PPARA: variants seen among roughly 807,000 people sequenced by gnomAD.
The protein encoded by PPARA is peroxisome proliferator-activated receptor alpha.
In PPARA, 22 loss-of-function variants were observed where a neutral mutation model predicts 42.2. The observed-to-expected ratio is 0.52, with a 90% CI of 0.37 to 0.74. PPARA has a LOEUF of 0.74. Ranked by LOEUF, PPARA falls within the 30% of genes least tolerant of loss-of-function variation. The pLI is 0.00. For synonymous variants in PPARA, 242 were observed against 239.3 expected, an observed-to-expected ratio of 1.01 and a Z score of -0.10; for missense variants, 465 against 608.2, an observed-to-expected ratio of 0.76 and a Z score of 2.48.
At chr22:46,178,773 TGTGA>T (rs1273155382) in intron 3 of PPARA, among the ~76,000 whole-genome samples, 2 of 152,168 alleles carry the variant, frequency 1.3e-5, no homozygotes, top group East Asian at 3.9e-4. Context: ...AGTGCAGGGA[TGTGA>T]GTGTTTGTTA....
At position 46,240,914 on chromosome 22, in the gene PPARA, A is replaced by G. The variant is rs1275809623; in HGVS notation, c.*5534A>G. 1.3e-5 allele frequency: 2 copies of G among 152,250 alleles called. No individual in the cohort carries two copies. The highest frequency in any genetic ancestry group is 2.9e-5 in the Non-Finnish European group (2 of 68,048). 9.4% of individuals were successfully genotyped at this position (152,250 alleles called of 1,614,324 possible). A position where few individuals can be genotyped will look rare whatever the true frequency, so the allele number is the denominator to read the frequency against. Reference sequence around the variant, plus strand: ...ATTCAAGCCCATCTTCAGACGTCACAGTCTGGAAGTGAAATGTCCACAAAC... The same window carrying G: ...ATTCAAGCCCATCTTCAGACGTCACGGTCTGGAAGTGAAATGTCCACAAAC... On this transcript the variant is annotated 3_prime_UTR_variant, in exon 9 of 9. Transcript: ENST00000407236. This position sits in a 1 kb window ranked among gnomAD's most constrained non-coding sequence, Gnocchi z 6.0.
chr22:46,192,848 C>T lies in PPARA; in HGVS notation c.-42-5494C>T, dbSNP rs1333724899. ...CAACAACATGGGTGGAACTGGAGAT[C>T]ATTATGTTAAGTGAAATAATCCAGG... is the stretch of plus-strand genomic sequence containing the variant. On this transcript the variant is annotated intron_variant, in intron 3 of 8. Transcript: ENST00000407236. This position sits in a 1 kb window ranked among gnomAD's most constrained non-coding sequence, Gnocchi z 4.3. Among the ~76,000 whole-genome samples, 1 of 152,160 alleles carries T rather than the reference C, an allele frequency of 6.6e-6. No individual in the cohort carries two copies. Among genetic ancestry groups the T allele is most frequent in the African/African-American group, 2.4e-5 (1 of 41,438 alleles).
intron 4 of PPARA, among the ~76,000 whole-genome samples, chr22:46,209,441 A>G (rs901378477): frequency 6.6e-6 from 1 of 151,324 alleles, no homozygotes; most frequent in Non-Finnish European, 1.5e-5. Flanking sequence ...GAGAGCTCCA[A>G]TTATACATAC....
chr22:46,207,673 TA>T (rs377419961), intron 4 of PPARA, among the ~76,000 whole-genome samples: 1,581 of 90,912 alleles, frequency 0.017, 48 homozygotes, highest in African/African-American at 0.05. Context: ...TTATTATTAT[TA>T]TTATTTTTTT....
At chr22:46,226,157 A>C (rs1017145055) in intron 7 of PPARA, among the ~76,000 whole-genome samples, 3 of 120,100 alleles carry the variant, frequency 2.5e-5, no homozygotes, top group African/African-American at 1.5e-4. Context: ...AAGCATGCAC[A>C]CATATATATA....
intron 2 of PPARA, among the ~76,000 whole-genome samples, chr22:46,169,578 G>A: frequency 6.6e-6 from 1 of 151,860 alleles, no homozygotes; most frequent in Non-Finnish European, 1.5e-5. Flanking sequence ...GTGGGAGTGA[G>A]GTGGTATATG....
In PPARA at chr22:46,203,245, G is replaced by A. The variant is rs1415416359; in HGVS notation, c.208+4654G>A. ...TTTGTAAATTAGATCGTTCATATTT[G>A]TACCTAATCTGATCTTTTGGGTAAT... is the stretch of plus-strand genomic sequence containing the variant. On this transcript the variant is annotated intron_variant, in intron 4 of 8. Coordinates refer to ENST00000407236, the MANE Select transcript of PPARA (RefSeq NM_005036.6). This position sits in a 1 kb window ranked among gnomAD's most constrained non-coding sequence, Gnocchi z 5.8. 2.0e-5 allele frequency among the ~76,000 whole-genome samples: 3 copies of A among 152,042 alleles called. No individual in the cohort carries two copies. The highest frequency in any genetic ancestry group is 6.6e-5 in the Admixed American group (1 of 15,244).
At position 46,230,447 on chromosome 22, in the gene PPARA, T is replaced by A. The variant is rs1220618406; in HGVS notation, c.712-1345T>A. On this transcript the variant is annotated intron_variant, in intron 7 of 8. Transcript: ENST00000407236. This position sits in a 1 kb window ranked among gnomAD's most constrained non-coding sequence, Gnocchi z 5.0. Reference sequence around the variant, plus strand: ...GCATGAGCTGTGGACCACATTATAATCAGAGAGATCTCTCAGATGTTGTCA... The same window carrying A: ...GCATGAGCTGTGGACCACATTATAAACAGAGAGATCTCTCAGATGTTGTCA... Among the ~76,000 whole-genome samples the A allele has an allele frequency of 6.6e-6, 1 of 152,156 alleles. No homozygotes were observed. Among genetic ancestry groups the A allele is most frequent in the Non-Finnish European group, 1.5e-5 (1 of 68,022 alleles).
At position 46,167,584 on chromosome 22, in the gene PPARA, G is replaced by A. The variant is rs1170017923; in HGVS notation, c.-126-9169G>A. Among the ~76,000 whole-genome samples the A allele has an allele frequency of 1.3e-5, 2 of 152,056 alleles. No individual in the cohort carries two copies. Among genetic ancestry groups the A allele is most frequent in the Non-Finnish European group, 2.9e-5 (2 of 68,006 alleles). On this transcript the variant is annotated intron_variant, in intron 2 of 8. Coordinates refer to ENST00000407236, the MANE Select transcript of PPARA (RefSeq NM_005036.6). The surrounding 1 kb of genome is among the most constrained non-coding windows in gnomAD (Gnocchi z 4.1). ...GGGAGGATCACCTGAGCCCAGAGAG[G>A]TCAAGGTTGCAGTGAGCCATGATTG...
intron 3 of PPARA, among the ~76,000 whole-genome samples, chr22:46,177,811 A>C (rs1304554895): frequency 6.6e-6 from 1 of 152,104 alleles, no homozygotes; most frequent in Non-Finnish European, 1.5e-5. Flanking sequence ...GACAGGTCAG[A>C]ACCTCAGGTG....
In PPARA at chr22:46,163,103, C is replaced by G. The variant is rs370353712; in HGVS notation, c.-127+11133C>G. 3.3e-5 allele frequency among the ~76,000 whole-genome samples: 5 copies of G among 152,108 alleles called. No individual in the cohort carries two copies. The East Asian group carries it at 7.7e-4, about 23-fold the overall frequency. ...GCCTGCAGAGGGGAAAGAGCGGGGA[C>G]AGAGGGTCACGGAGGTCGCAGGGGC... is the stretch of plus-strand genomic sequence containing the variant. On this transcript the variant is annotated intron_variant, in intron 2 of 8. Transcript: ENST00000407236. This position sits in a 1 kb window ranked among gnomAD's most constrained non-coding sequence, Gnocchi z 4.9.
At chr22:46,215,383 A>G in intron 5 of PPARA, 50 bp downstream of exon 5, 1 of 1,609,884 alleles carries the variant, frequency 6.2e-7, no homozygotes, top group Non-Finnish European at 8.5e-7. Context: ...TCAACTACTT[A>G]TGGTCACTTT....
intron 3 of PPARA, among the ~76,000 whole-genome samples, chr22:46,189,712 CT>C (rs1011874089): frequency 1.3e-3 from 185 of 142,960 alleles, no homozygotes; most frequent in African/African-American, 1.7e-3. Context: ...TATTTTTTTT[CT>C]TTTTTTTTTT....
In PPARA at chr22:46,203,420, A is replaced by G. The variant is rs1168076303; in HGVS notation, c.208+4829A>G. Among the ~76,000 whole-genome samples, 1 of 152,186 alleles carries G rather than the reference A, an allele frequency of 6.6e-6. No homozygotes were observed. Among genetic ancestry groups the G allele is most frequent in the Non-Finnish European group, 1.5e-5 (1 of 68,036 alleles). ...GCTTTTTCTTCCCGGCTTTATTGCC[A>G]TAATTGACATACAATAAACTGCATG... On this transcript the variant is annotated intron_variant, in intron 4 of 8. Coordinates refer to ENST00000407236, the MANE Select transcript of PPARA (RefSeq NM_005036.6). This position sits in a 1 kb window ranked among gnomAD's most constrained non-coding sequence, Gnocchi z 5.8.
At chr22:46,226,991 C>T (rs4253765) in intron 7 of PPARA, among the ~76,000 whole-genome samples, 40,903 of 151,344 alleles carry the variant, frequency 0.27, 7,878 homozygotes, top group African/African-American at 0.55. Context: ...TTTCAGAAGC[C>T]TGGGCATAAG....
chr22:46,228,298 G>C (rs1347867276), intron 7 of PPARA, among the ~76,000 whole-genome samples: 1 of 152,196 alleles, frequency 6.6e-6, no homozygotes, highest in African/African-American at 2.4e-5. Context: ...ACTCTGGGAG[G>C]CTGAAGCGGG....
At position 46,219,961 on chromosome 22, in the gene PPARA, A is replaced by G; in HGVS notation, c.658A>G (p.Met220Val). 1.2e-6 allele frequency: 2 copies of G among 1,614,260 alleles called. No individual in the cohort carries two copies. The highest frequency in any genetic ancestry group is 1.7e-6 in the Non-Finnish European group (2 of 1,180,050). ...CGAGGCCTACTTGAAGAACTTCAAC[A>G]TGAACAAGGTCAAAGCCCGGGTCAT... ...IYEAYLKNFN[M>V]NKVKARVILS... The change falls in exon 7 of 9, where the codon ATG (methionine) becomes GTG (valine). Residue 220 changes from methionine to valine, a missense_variant. Met to Val is a conservative substitution (Grantham distance 21, BLOSUM62 1). Transcript: ENST00000407236. This position sits in a 1 kb window ranked among gnomAD's most constrained non-coding sequence, Gnocchi z 4.8.
rs1931447390 is a variant in PPARA, at chr22:46,190,882, A to G, written c.-42-7460A>G. Among the ~76,000 whole-genome samples the G allele has an allele frequency of 6.6e-6, 1 of 152,224 alleles. No individual in the cohort carries two copies. Among genetic ancestry groups the G allele is most frequent in the South Asian group, 2.1e-4 (1 of 4,832 alleles). On this transcript the variant is annotated intron_variant, in intron 3 of 8. Coordinates refer to ENST00000407236, the MANE Select transcript of PPARA (RefSeq NM_005036.6). This position sits in a 1 kb window ranked among gnomAD's most constrained non-coding sequence, Gnocchi z 5.6. The stretch of plus-strand genomic sequence containing the variant: ...TATTCAGCTACCTGCTATTTAATAC[A>G]TTATTTCAGAAAATATTTACAAAGG...
Position 46,212,985 on chromosome 22 carries a change from ACT to A in PPARA, c.209-2185_209-2184del, listed in dbSNP as rs2147520596. Among the ~76,000 whole-genome samples the A allele has an allele frequency of 6.6e-6, 1 of 152,224 alleles. No individual in the cohort carries two copies. Among genetic ancestry groups the A allele is most frequent in the East Asian group, 1.9e-4 (1 of 5,186 alleles). On this transcript the variant is annotated intron_variant, in intron 4 of 8. Coordinates refer to ENST00000407236, the MANE Select transcript of PPARA (RefSeq NM_005036.6). The surrounding 1 kb of genome is among the most constrained non-coding windows in gnomAD (Gnocchi z 4.2). ...ACTCCAGCCTGGGTGACAGAGTGAG[ACT>A]CTGTCCCAAAAAGAAAAAGAATAAA...
Sources: allele counts gnomAD v4.1 joint callset (sites outside exome capture counted in the v4.1 genomes callset), GRCh38; gene constraint gnomAD v4.1.1; non-coding constraint Gnocchi (gnomAD v3.1); transcripts MANE v1.5; gene names NCBI Gene and HGNC (gene_info 2026-07-23, HGNC 2026-07-21).